SPTBN1: variants seen among roughly 807,000 people sequenced by gnomAD.
The protein encoded by SPTBN1 is spectrin beta chain, non-erythrocytic 1.
SPTBN1 carries 32 observed loss-of-function variants against 266.4 expected under a neutral mutation model. The observed-to-expected ratio is 0.12, with a 90% CI of 0.09 to 0.16. The LOEUF is 0.16. SPTBN1 is among the 10% of genes least tolerant of loss of function. SPTBN1 has a pLI of 1.00. For synonymous variants in SPTBN1, 1,336 were observed against 1,162.2 expected (o/e 1.15, Z -3.04); for missense variants, 2,296 against 3,067.1 (o/e 0.75, Z 5.94).
At chr2:54,480,292 T>C (rs1668033317) in intron 1 of SPTBN1, among the ~76,000 whole-genome samples, 1 of 152,226 alleles carries the variant, frequency 6.6e-6, no homozygotes, top group Admixed American at 6.5e-5. Flanking sequence ...GCCCAACCTC[T>C]TCTGCCTCTT....
Position 54,629,815 on chromosome 2 carries a change from G to A in SPTBN1, c.2669+12G>A, listed in dbSNP as rs201257161. ...GTCATCCAGCACAGGTGAGCGGGGC[G>A]CTGGTCAGCCACTGGCCTGTTCCTT... On this transcript the variant is annotated intron_variant, in intron 14 of 35. Coordinates refer to ENST00000356805, the MANE Select transcript of SPTBN1 (RefSeq NM_003128.3). The A allele has an allele frequency of 1.0e-4, 162 of 1,609,422 alleles. No individual in the cohort carries two copies. Among genetic ancestry groups the A allele is most frequent in the African/African-American group, 2.7e-4 (20 of 74,886 alleles).
At chr2:54,612,944 A>G (rs529114818) in intron 4 of SPTBN1, among the ~76,000 whole-genome samples, 1 of 152,318 alleles carries the variant, frequency 6.6e-6, no homozygotes, top group East Asian at 1.9e-4. Flanking sequence ...AAGTATTTTA[A>G]GCCGGAAGGT....
chr2:54,642,873 A>G, intron 18 of SPTBN1, 110 bp from the exon 19 acceptor site: 1 of 1,357,564 alleles, frequency 7.4e-7, no homozygotes, highest in South Asian at 1.5e-5. Flanking sequence ...GTCTGTCACC[A>G]TGGAAACGTG....
At chr2:54,571,661 G>A (rs1420990908) in intron 2 of SPTBN1, among the ~76,000 whole-genome samples, 1 of 150,238 alleles carries the variant, frequency 6.7e-6, no homozygotes, top group African/African-American at 2.5e-5. Flanking sequence ...CTGATACTCA[G>A]TGGGTATTTG....
chr2:54,661,471 A>G, intron 32 of SPTBN1: 1 of 985,768 alleles, frequency 1.0e-6, no homozygotes, highest in Non-Finnish European at 1.2e-6. Flanking sequence ...AACGTCATAT[A>G]GCATCTTGTT....
chr2:54,559,161 C>G (rs754068544), intron 2 of SPTBN1, among the ~76,000 whole-genome samples: 1 of 152,176 alleles, frequency 6.6e-6, no homozygotes, highest in Non-Finnish European at 1.5e-5. Context: ...TTTTAGCTAA[C>G]TTTACCTCCT....
At chr2:54,652,725 T>C (rs1343969368) in intron 26 of SPTBN1, 1 of 152,232 alleles carries the variant, frequency 6.6e-6, no homozygotes, top group East Asian at 1.9e-4. Context: ...CACTGACAAA[T>C]ATATCATCAC....
Position 54,671,135 on chromosome 2 carries a change from C to T in SPTBN1, c.*2566C>T, listed in dbSNP as rs938075409. On this transcript the variant is annotated 3_prime_UTR_variant, in exon 36 of 36. Transcript: ENST00000356805. ...AAATAAGGCTTAGGATATGAAATGG[C>T]GTTGTCACTTGAATCAAGGCCACTT... 9.0e-6 allele frequency: 2 copies of T among 221,768 alleles called. No individual in the cohort carries two copies. Among genetic ancestry groups the T allele is most frequent in the Non-Finnish European group, 1.8e-5 (2 of 114,034 alleles). 13.7% of individuals were successfully genotyped at this position (221,768 alleles called of 1,614,324 possible).
chr2:54,460,538 G>C (rs918908896), intron 1 of SPTBN1, among the ~76,000 whole-genome samples: 2 of 152,152 alleles, frequency 1.3e-5, no homozygotes, highest in African/African-American at 4.8e-5. Flanking sequence ...AGCCTCGGAA[G>C]CTAACCCCTG....
intron 1 of SPTBN1, among the ~76,000 whole-genome samples, chr2:54,525,207 C>G (rs7585687): frequency 0.8 from 121,587 of 151,732 alleles, 49,263 homozygotes; most frequent in African/African-American, 0.94. Context: ...TGAGCATCTA[C>G]CATGCACTGG....
intron 18 of SPTBN1, among the ~76,000 whole-genome samples, chr2:54,638,153 A>T (rs1220923123): frequency 1.3e-5 from 2 of 152,268 alleles, no homozygotes; most frequent in East Asian, 3.8e-4. Flanking sequence ...GCTGTATTTT[A>T]AGTGCTCAGT....
intron 2 of SPTBN1, among the ~76,000 whole-genome samples, chr2:54,546,169 C>G (rs1285441637): frequency 6.6e-6 from 1 of 152,128 alleles, no homozygotes; most frequent in East Asian, 1.9e-4. Flanking sequence ...CTCTAATAGG[C>G]CAACTACAAG....
At chr2:54,644,949 G>T (rs1490548774) in intron 20 of SPTBN1, among the ~76,000 whole-genome samples, 1 of 152,196 alleles carries the variant, frequency 6.6e-6, no homozygotes, top group African/African-American at 2.4e-5. Flanking sequence ...ATCGTGATTT[G>T]TGACAGTTAT....
At chr2:54,580,067 A>G (rs1674780091) in intron 2 of SPTBN1, among the ~76,000 whole-genome samples, 1 of 152,174 alleles carries the variant, frequency 6.6e-6, no homozygotes, top group African/African-American at 2.4e-5. Flanking sequence ...TATATGAGAG[A>G]GATTTCCGGG....
intron 2 of SPTBN1, among the ~76,000 whole-genome samples, chr2:54,547,002 A>G (rs1232224952): frequency 6.6e-6 from 1 of 151,820 alleles, no homozygotes; most frequent in Non-Finnish European, 1.5e-5. Context: ...TACCATGTTA[A>G]CCATTTTTAA....
Position 54,645,153 on chromosome 2 carries a change from C to T in SPTBN1, c.4270-76C>T. 6.6e-7 allele frequency: 1 copy of T among 1,520,662 alleles called. No individual in the cohort carries two copies. The highest frequency in any genetic ancestry group is 9.0e-7 in the Non-Finnish European group (1 of 1,106,210). 94.2% of individuals were successfully genotyped at this position (1,520,662 alleles called of 1,614,324 possible). ...TTTGCGGTGTGGCCAAGTCCCAGGC[C>T]CAGCAGTTCTGCTTAGAGCCAGTCA... On this transcript the variant is annotated intron_variant, in intron 20 of 35. Transcript: ENST00000356805. This position sits in a 1 kb window ranked among gnomAD's most constrained non-coding sequence, Gnocchi z 4.3.
intron 2 of SPTBN1, among the ~76,000 whole-genome samples, chr2:54,582,389 C>G (rs1453505856): frequency 6.6e-6 from 1 of 151,864 alleles, no homozygotes; most frequent in African/African-American, 2.4e-5. Context: ...GGGAGAGAAG[C>G]ACCCTCCATT....
intron 3 of SPTBN1, 117 bp from the exon 4 acceptor site, chr2:54,612,044 G>A (rs1453532912): frequency 9.7e-6 from 10 of 1,026,842 alleles, no homozygotes; most frequent in Non-Finnish European, 1.4e-5. Flanking sequence ...GTTTGTTAAT[G>A]TTCTGCTCTG....
At chr2:54,561,867 A>G (rs1489345149) in intron 2 of SPTBN1, among the ~76,000 whole-genome samples, 1 of 103,118 alleles carries the variant, frequency 9.7e-6, no homozygotes, top group Non-Finnish European at 2.0e-5. Flanking sequence ...TGGGTCAGTA[A>G]ATAAGTGTGA....
Sources: allele counts gnomAD v4.1 joint callset (sites outside exome capture counted in the v4.1 genomes callset), GRCh38; gene constraint gnomAD v4.1.1; non-coding constraint Gnocchi (gnomAD v3.1); transcripts MANE v1.5; gene names NCBI Gene and HGNC (gene_info 2026-07-23, HGNC 2026-07-21).